The following PCNX1 variants were observed in gnomAD, a reference collection of about 807,000 sequenced individuals.
The protein encoded by PCNX1 is pecanex-like protein 1.
Under a neutral mutation model 242.2 loss-of-function variants are expected in PCNX1, and 78 were observed. That is an observed-to-expected ratio of 0.32 (90% CI 0.27 to 0.39). The LOEUF (loss-of-function observed/expected upper bound fraction) is 0.39. PCNX1 is among the 10% of genes least tolerant of loss of function. The pLI is 1.00. For synonymous variants in PCNX1, 1,024 were observed against 1,032.9 expected, an observed-to-expected ratio of 0.99 and a Z score of 0.17; for missense variants, 2,581 against 2,856.5, an observed-to-expected ratio of 0.90 and a Z score of 2.20.
At chr14:70,997,108 ATATT>A (rs2059376036) in intron 8 of PCNX1, among the ~76,000 whole-genome samples, 1 of 152,186 alleles carries the variant, frequency 6.6e-6, no homozygotes. Flanking sequence ...AGAGGCAAGA[ATATT>A]TATAAGGAGG....
intron 17 of PCNX1, 88 bp downstream of exon 17, chr14:71,033,626 A>G (rs539489603): frequency 1.2e-5 from 9 of 732,644 alleles, no homozygotes; most frequent in African/African-American, 5.3e-5. Context: ...CTTTTTCCCA[A>G]TGCCTTTCCA....
Position 70,924,390 on chromosome 14 carries a change from A to C in PCNX1, c.153+16387A>C, listed in dbSNP as rs541345836. ...ACTGCATCCGGTTTCTCCTCTTGTT[A>C]ACATCTTAGATTACTGTGGTGCATT... On this transcript the variant is annotated intron_variant, in intron 1 of 35. Transcript: ENST00000304743. Among the ~76,000 whole-genome samples the C allele has an allele frequency of 3.9e-5, 6 of 152,290 alleles. No individual in the cohort carries two copies. The East Asian group carries it at 1.2e-3, about 29-fold the overall frequency.
intron 6 of PCNX1, among the ~76,000 whole-genome samples, chr14:70,980,301 T>TTAG (rs2058801144): frequency 6.6e-6 from 1 of 152,124 alleles, no homozygotes; most frequent in Non-Finnish European, 1.5e-5. Context: ...TCGGTGCTGT[T>TTAG]CTTTAAGCTA....
intron 30 of PCNX1, among the ~76,000 whole-genome samples, chr14:71,100,441 G>A (rs79636516): frequency 8.7e-4 from 133 of 152,230 alleles, no homozygotes; most frequent in African/African-American, 3.1e-3. Context: ...GGCTTATAAA[G>A]TTTCTTCTGA....
intron 1 of PCNX1, among the ~76,000 whole-genome samples, chr14:70,914,273 T>C (rs2056057093): frequency 6.6e-6 from 1 of 152,130 alleles, no homozygotes; most frequent in African/African-American, 2.4e-5. Flanking sequence ...AAGCCAAACC[T>C]CAGCATCACT....
At chr14:70,940,403 T>A (rs1235012571) in intron 1 of PCNX1, among the ~76,000 whole-genome samples, 6 of 152,212 alleles carry the variant, frequency 3.9e-5, no homozygotes, top group Non-Finnish European at 8.8e-5. Context: ...TTTGGCTGGA[T>A]ATGAAATTCT....
intron 33 of PCNX1, among the ~76,000 whole-genome samples, chr14:71,106,291 T>A (rs1342957313): frequency 1.3e-5 from 2 of 152,138 alleles, no homozygotes; most frequent in Non-Finnish European, 2.9e-5. Context: ...GTGCTGAGAT[T>A]ACAGGCGTGA....
chr14:71,050,087 A>G (rs2060979284), intron 22 of PCNX1, among the ~76,000 whole-genome samples: 2 of 152,218 alleles, frequency 1.3e-5, no homozygotes, highest in African/African-American at 2.4e-5. Context: ...CCAAAGCACT[A>G]AAGTTTGGGG....
At chr14:71,090,229 A>G (rs1043767115) in intron 30 of PCNX1, among the ~76,000 whole-genome samples, 1 of 152,208 alleles carries the variant, frequency 6.6e-6, no homozygotes, top group Non-Finnish European at 1.5e-5. Flanking sequence ...AGGCCCCACA[A>G]TGCATTTCTA....
intron 28 of PCNX1, among the ~76,000 whole-genome samples, chr14:71,080,641 A>G (rs139823885): frequency 3.9e-4 from 60 of 152,296 alleles, no homozygotes; most frequent in African/African-American, 1.2e-3. Flanking sequence ...GCAATTGTGA[A>G]TGGAAGTTCA....
intron 26 of PCNX1, among the ~76,000 whole-genome samples, chr14:71,070,534 A>G (rs1433600393): frequency 2.0e-5 from 3 of 152,220 alleles, no homozygotes; most frequent in Non-Finnish European, 2.9e-5. Flanking sequence ...AGCAGGCAAC[A>G]CTAATGTCTT....
In PCNX1 at chr14:71,115,348, A is replaced by G. The variant is rs1426249703; in HGVS notation, c.*5413A>G. On this transcript the variant is annotated 3_prime_UTR_variant, in exon 36 of 36. Transcript: ENST00000304743. ...CAAAAATACAGTATTGACAGTGGAT[A>G]AAACACTGAGGAAATAAATTTTTTT... The G allele has an allele frequency of 6.5e-6, 1 of 152,694 alleles. No individual in the cohort carries two copies. Among genetic ancestry groups the G allele is most frequent in the African/African-American group, 2.4e-5 (1 of 41,466 alleles). The allele number at this position is 152,694 out of a possible 1,614,324, so 9.5% of individuals were successfully genotyped here.
At chr14:71,109,706 T>C in intron 35 of PCNX1, 89 bp from the exon 36 acceptor site, 1 of 1,562,126 alleles carries the variant, frequency 6.4e-7, no homozygotes, top group South Asian at 1.1e-5. Flanking sequence ...CAGACAAAAT[T>C]GCTACTACTA....
Position 70,908,010 on chromosome 14 carries a change from G to A in PCNX1, c.153+7G>A. The A allele has an allele frequency of 1.3e-6, 2 of 1,571,060 alleles. No individual in the cohort carries two copies. Among genetic ancestry groups the A allele is most frequent in the Non-Finnish European group, 1.7e-6 (2 of 1,162,024 alleles). On this transcript the variant is annotated splice_region_variant and intron_variant, in intron 1 of 35. Transcript: ENST00000304743. ...GCCCTTCACCCTCTACATGGTGAGT[G>A]TGGGGGCGGGGAGCGGGTGGCTCCT...
At chr14:71,019,661 A>G (rs1320729780) in intron 12 of PCNX1, among the ~76,000 whole-genome samples, 1 of 152,128 alleles carries the variant, frequency 6.6e-6, no homozygotes, top group African/African-American at 2.4e-5. Flanking sequence ...TGGCTTCCCA[A>G]AGTACTGGGA....
rs1301700707 is a variant in PCNX1, at chr14:70,995,668, T to G, written c.2445-73T>G. On this transcript the variant is annotated intron_variant, in intron 7 of 35. Transcript: ENST00000304743. ...GTGCCTTTTTGAAATCAGTTTTCTATGTTGACTTCATTCTAGGTATTGTTT... is the reference window on the plus strand; with the variant it reads ...GTGCCTTTTTGAAATCAGTTTTCTAGGTTGACTTCATTCTAGGTATTGTTT... The G allele has an allele frequency of 1.6e-5, 22 of 1,352,328 alleles. No homozygotes were observed. The East Asian group carries it at 5.2e-4, about 32-fold the overall frequency. The allele number at this position is 1,352,328 out of a possible 1,614,324, so 83.8% of individuals were successfully genotyped here.
intron 6 of PCNX1, among the ~76,000 whole-genome samples, chr14:70,984,630 C>T (rs2058943993): frequency 6.6e-6 from 1 of 151,904 alleles, no homozygotes; most frequent in Admixed American, 6.6e-5. Flanking sequence ...TTGTGATCCG[C>T]CTGGCTCGGC....
chr14:71,011,624 A>G (rs1291294885), intron 10 of PCNX1, 75 bp downstream of exon 10: 2 of 869,962 alleles, frequency 2.3e-6, no homozygotes, highest in African/African-American at 1.7e-5. Flanking sequence ...ATAGATAGCT[A>G]TAAAAGCCAT....
chr14:71,091,680 A>G lies in PCNX1; in HGVS notation c.5589+2338A>G, dbSNP rs139403452. 2.8e-3 allele frequency among the ~76,000 whole-genome samples: 428 copies of G among 152,354 alleles called. 1 individual carries two copies. The highest frequency in any genetic ancestry group is 9.6e-3 in the African/African-American group (398 of 41,584). On this transcript the variant is annotated intron_variant, in intron 30 of 35. Coordinates refer to ENST00000304743, the MANE Select transcript of PCNX1 (RefSeq NM_014982.3). Reference sequence around the variant, plus strand: ...CAGAAATCTATTATAAAAAGTTAAAATTTATCAAAACTTACAAAAACACAG... The same window carrying G: ...CAGAAATCTATTATAAAAAGTTAAAGTTTATCAAAACTTACAAAAACACAG...
Sources: allele counts gnomAD v4.1 joint callset (sites outside exome capture counted in the v4.1 genomes callset), GRCh38; gene constraint gnomAD v4.1.1; transcripts MANE v1.5; gene names NCBI Gene and HGNC (gene_info 2026-07-23, HGNC 2026-07-21).